Variants in SHANK2 observed in about 807,000 individuals in gnomAD.
The protein encoded by SHANK2 is SH3 and multiple ankyrin repeat domains 2.
Under a neutral mutation model 133.7 loss-of-function variants are expected in SHANK2, and 43 were observed. The ratio of observed to expected loss-of-function variants is 0.32; its 90% confidence interval spans 0.25 to 0.41. The LOEUF (loss-of-function observed/expected upper bound fraction) is 0.41, where lower values mean the gene tolerates loss of function less well. Ranked by LOEUF, SHANK2 falls within the 10% of genes least tolerant of loss-of-function variation. SHANK2 has a pLI of 1.00. For missense variants in SHANK2, 1,994 were observed against 2,235.8 expected (o/e 0.89, Z 2.18); for synonymous variants, 1,017 against 952.8 (o/e 1.07, Z -1.24).
intron 3 of SHANK2, among the ~76,000 whole-genome samples, chr11:71,146,178 C>G (rs2135400299): frequency 6.6e-6 from 1 of 152,348 alleles, no homozygotes; most frequent in Non-Finnish European, 1.5e-5. Flanking sequence ...CTCCACGCTT[C>G]CAGCTCTGTC....
intron 14 of SHANK2, among the ~76,000 whole-genome samples, chr11:70,740,010 G>A (rs1946486292): frequency 2.0e-5 from 3 of 152,250 alleles, no homozygotes; most frequent in Admixed American, 1.3e-4. Context: ...CAGACCAGGG[G>A]CCCGGCAGGG....
At chr11:71,136,210 C>T (rs781841446) in intron 3 of SHANK2, among the ~76,000 whole-genome samples, 2 of 152,088 alleles carry the variant, frequency 1.3e-5, no homozygotes, top group Non-Finnish European at 2.9e-5. Flanking sequence ...TAAACGCCAC[C>T]CTGGGGATGG....
At chr11:70,700,543 C>T (rs920502635) in intron 14 of SHANK2, among the ~76,000 whole-genome samples, 3 of 152,218 alleles carry the variant, frequency 2.0e-5, no homozygotes, top group Non-Finnish European at 4.4e-5. Flanking sequence ...CTCACCAAGC[C>T]AGCACCGGTC....
rs572376653 is a variant in SHANK2, at chr11:70,613,855, C to G, written c.2061+45973G>C. On this transcript the variant is annotated intron_variant, in intron 17 of 25. Coordinates refer to ENST00000601538, the MANE Select transcript of SHANK2 (RefSeq NM_012309.5). ...TCTCAGCTCACTGCAACCTCGGCCT[C>G]CCGGGTTCAAGCAATTCTCCTGCCT... Among the ~76,000 whole-genome samples the G allele has an allele frequency of 3.6e-3, 541 of 151,514 alleles. 3 individuals are homozygous for G. Among genetic ancestry groups the G allele is most frequent in the African/African-American group, 0.013 (525 of 41,222 alleles).
chr11:70,601,507 G>A (rs560908702), intron 17 of SHANK2, among the ~76,000 whole-genome samples: 17 of 152,134 alleles, frequency 1.1e-4, no homozygotes, highest in East Asian at 5.8e-4. Context: ...GTGCACAACC[G>A]CACCTGGCCA....
At chr11:71,208,044 C>A (rs1222060870) in intron 2 of SHANK2, among the ~76,000 whole-genome samples, 3 of 152,066 alleles carry the variant, frequency 2.0e-5, no homozygotes, top group Non-Finnish European at 4.4e-5. Context: ...CTTTTAAGGG[C>A]CTTAAGACAC....
rs186669380 is a variant in SHANK2 at position 70,831,103 on chromosome 11, G to A, written c.1175-10421C>T. Among the ~76,000 whole-genome samples, 3 of 152,308 alleles carry A rather than the reference G, an allele frequency of 2.0e-5. No homozygotes were observed. The East Asian group carries it at 5.8e-4, about 29-fold the overall frequency. ...AGAACTTCCAGGTGTGAGTTGGGCT[G>A]GGGGCAGGCGGGTAGCAGAGAGGGT... On this transcript the variant is annotated intron_variant, in intron 11 of 25. Transcript: ENST00000601538.
intron 11 of SHANK2, among the ~76,000 whole-genome samples, chr11:70,822,515 C>T (rs1410634060): frequency 6.7e-6 from 1 of 149,548 alleles, no homozygotes; most frequent in Non-Finnish European, 1.5e-5. Flanking sequence ...GTGGAGTTGG[C>T]AGAGTTCATG....
At chr11:70,880,501 G>A (rs1212217932) in intron 11 of SHANK2, among the ~76,000 whole-genome samples, 1 of 152,244 alleles carries the variant, frequency 6.6e-6, no homozygotes, top group Non-Finnish European at 1.5e-5. Context: ...GGAGAGGCAG[G>A]TGGAGCCATT....
intron 10 of SHANK2, among the ~76,000 whole-genome samples, chr11:70,938,488 G>C (rs1283126682): frequency 1.3e-5 from 2 of 152,206 alleles, no homozygotes; most frequent in Non-Finnish European, 2.9e-5. Context: ...GAGGCACAGA[G>C]GCTATCAGGG....
chr11:71,162,317 G>T (rs1176737211), intron 2 of SHANK2, among the ~76,000 whole-genome samples: 1 of 152,206 alleles, frequency 6.6e-6, no homozygotes, highest in Non-Finnish European at 1.5e-5. Context: ...GTGAGATCAT[G>T]CATGTAGCTC....
At chr11:70,559,441 A>C (rs2059878318) in intron 17 of SHANK2, among the ~76,000 whole-genome samples, 2 of 152,180 alleles carry the variant, frequency 1.3e-5, no homozygotes, top group Non-Finnish European at 2.9e-5. Flanking sequence ...CACAGTTAAC[A>C]GTCTGTCTGC....
chr11:71,154,650 T>G (rs1555108697), intron 2 of SHANK2, among the ~76,000 whole-genome samples: 1 of 151,784 alleles, frequency 6.6e-6, no homozygotes, highest in African/African-American at 2.4e-5. Context: ...AGGGGTGAAC[T>G]TACCCCACCC....
At chr11:70,614,328 T>TTTTTA (rs61147771) in intron 17 of SHANK2, among the ~76,000 whole-genome samples, 1 of 151,522 alleles carries the variant, frequency 6.6e-6, no homozygotes, top group African/African-American at 2.4e-5. Flanking sequence ...TTTTTTTTTT[T>TTTTTA]GAGACAGAGT....
chr11:70,796,263 T>C (rs1320139278), intron 14 of SHANK2, among the ~76,000 whole-genome samples: 4 of 152,170 alleles, frequency 2.6e-5, no homozygotes, highest in African/African-American at 9.7e-5. Context: ...TTGCTCCAGC[T>C]GCCCTGCTTC....
chr11:70,526,350 T>C (rs116108792), intron 17 of SHANK2, among the ~76,000 whole-genome samples: 49 of 152,332 alleles, frequency 3.2e-4, no homozygotes, highest in African/African-American at 1.2e-3. Context: ...GACTTTCTCC[T>C]GACAAGAGAC....
At chr11:71,231,362 C>G (rs1954738283) in intron 1 of SHANK2, among the ~76,000 whole-genome samples, 1 of 152,130 alleles carries the variant, frequency 6.6e-6, no homozygotes, top group African/African-American at 2.4e-5. Context: ...ACAAATATGA[C>G]CATACACCTA....
intron 14 of SHANK2, among the ~76,000 whole-genome samples, chr11:70,731,635 C>G (rs146114723): frequency 6.6e-6 from 1 of 152,224 alleles, no homozygotes; most frequent in Admixed American, 6.5e-5. Flanking sequence ...AGACCACAGT[C>G]TGTCCATCCA....
At chr11:71,129,794 G>A (rs1179542012) in intron 3 of SHANK2, among the ~76,000 whole-genome samples, 2 of 152,252 alleles carry the variant, frequency 1.3e-5, no homozygotes, top group African/African-American at 4.8e-5. Flanking sequence ...GGCAGAGGCA[G>A]CTGTGTTTGG....
Sources: gnomAD v4.1 joint callset for allele counts (sites outside exome capture counted in the v4.1 genomes callset) on GRCh38, gnomAD v4.1.1 for gene constraint, MANE v1.5 for transcripts, NCBI Gene and HGNC (gene_info 2026-07-23, HGNC 2026-07-21) for gene names.